FBXW10B: variants seen among roughly 807,000 people sequenced by gnomAD.
FBXW10B encodes the protein F-box and WD repeat domain containing protein 10B.
the FBXW10B span, among the ~76,000 whole-genome samples, chr17:15,603,799 G>A: frequency 9.1e-4 from 134 of 147,484 alleles, 1 homozygote; most frequent in African/African-American, 3.0e-3. Context: ...AGGGCTGGGC[G>A]CGGTGGCTCA....
the FBXW10B span, among the ~76,000 whole-genome samples, chr17:15,569,788 T>C: frequency 6.6e-6 from 1 of 152,164 alleles, no homozygotes; most frequent in African/African-American, 2.4e-5. Context: ...TTGCCCAGGC[T>C]GGTCTCAAAC....
At chr17:15,577,343 A>T in the FBXW10B span, among the ~76,000 whole-genome samples, 10 of 152,254 alleles carry the variant, frequency 6.6e-5, no homozygotes, top group Middle Eastern at 6.8e-3. Flanking sequence ...TAGTCATTAC[A>T]ATGGTTGAAC....
At chr17:15,584,054 C>T in the FBXW10B span, among the ~76,000 whole-genome samples, 8 of 152,190 alleles carry the variant, frequency 5.3e-5, no homozygotes, top group African/African-American at 1.7e-4. Flanking sequence ...AAAATCCCTA[C>T]AACATGTGCA....
chr17:15,617,343 C>T, the FBXW10B span, among the ~76,000 whole-genome samples: 1 of 152,126 alleles, frequency 6.6e-6, no homozygotes, highest in African/African-American at 2.4e-5. Context: ...CCTTCAAGAG[C>T]TAAAACTCCA....
At chr17:15,602,874 G>A in the FBXW10B span, among the ~76,000 whole-genome samples, 2 of 121,958 alleles carry the variant, frequency 1.6e-5, 1 homozygote, top group Admixed American at 1.6e-4. Flanking sequence ...TGATCCGCCC[G>A]CCTCGGCCTC....
chr17:15,617,724 C>T, the FBXW10B span, among the ~76,000 whole-genome samples: 1 of 152,210 alleles, frequency 6.6e-6, no homozygotes. Context: ...GTTGATTTCC[C>T]TTGCATTCCA....
the FBXW10B span, among the ~76,000 whole-genome samples, chr17:15,578,558 T>A: frequency 6.6e-6 from 1 of 152,142 alleles, no homozygotes; most frequent in Admixed American, 6.5e-5. Context: ...TCTGGCTCAA[T>A]CAGGAGAAAG....
At chr17:15,614,910 G>A in the FBXW10B span, among the ~76,000 whole-genome samples, 196 of 152,292 alleles carry the variant, frequency 1.3e-3, no homozygotes, top group African/African-American at 4.3e-3. Context: ...CCCTCCTCAA[G>A]ACTGAATCCA....
chr17:15,599,473 T>C, the FBXW10B span, among the ~76,000 whole-genome samples: 18,042 of 124,186 alleles, frequency 0.15, 1,234 homozygotes, highest in East Asian at 0.28. Context: ...GAGATAACAC[T>C]GGAATAGTGA....
chr17:15,619,039 G>A, the FBXW10B span: 1 of 1,613,778 alleles, frequency 6.2e-7, no homozygotes, highest in Non-Finnish European at 8.5e-7. Context: ...TCAGAAACAG[G>A]ACTCTGATCA....
At chr17:15,594,290 G>A in the FBXW10B span, among the ~76,000 whole-genome samples, 698 of 152,014 alleles carry the variant, frequency 4.6e-3, 2 homozygotes, top group Non-Finnish European at 7.1e-3. Flanking sequence ...GGCTAACACC[G>A]TGAAACCCCG....
chr17:15,606,052 G>A, the FBXW10B span, among the ~76,000 whole-genome samples: 3 of 141,904 alleles, frequency 2.1e-5, no homozygotes, highest in Admixed American at 7.2e-5. Context: ...GTTTTTTATT[G>A]TGAAAGGGGA....
the FBXW10B span, chr17:15,613,699 G>C: frequency 6.2e-7 from 1 of 1,610,370 alleles, no homozygotes; most frequent in Non-Finnish European, 8.5e-7. Flanking sequence ...CCCAGTGCTG[G>C]CTCACAGAGG....
the FBXW10B span, among the ~76,000 whole-genome samples, chr17:15,575,941 T>C: frequency 6.6e-6 from 1 of 152,178 alleles, no homozygotes; most frequent in Non-Finnish European, 1.5e-5. Flanking sequence ...TCCCCAACTT[T>C]CAACAAACAC....
the FBXW10B span, among the ~76,000 whole-genome samples, chr17:15,603,728 G>A: frequency 4.8e-5 from 7 of 146,848 alleles, no homozygotes; most frequent in African/African-American, 1.5e-4. Context: ...ATGGGCACCA[G>A]GGGACACATC....
the FBXW10B span, chr17:15,588,722 C>G: frequency 2.8e-6 from 2 of 723,266 alleles, no homozygotes; most frequent in Non-Finnish European, 4.8e-6. Context: ...TCCCCATATC[C>G]AGGAATCAGC....
the FBXW10B span, among the ~76,000 whole-genome samples, chr17:15,582,752 T>C: frequency 1.3e-5 from 2 of 152,134 alleles, no homozygotes; most frequent in Admixed American, 1.3e-4. Context: ...CCAAGAATAA[T>C]AGAACTTAAA....
chr17:15,613,991 T>C, the FBXW10B span: 3 of 1,604,274 alleles, frequency 1.9e-6, no homozygotes, highest in Non-Finnish European at 2.6e-6. Flanking sequence ...AAACAGCCTA[T>C]TCATTTCGGA....
At chr17:15,603,165 T>C in the FBXW10B span, among the ~76,000 whole-genome samples, 1 of 151,596 alleles carries the variant, frequency 6.6e-6, no homozygotes, top group East Asian at 1.9e-4. Context: ...CTTACAGGCG[T>C]GAGCCACCGC....
Sources: gnomAD v4.1 joint callset for allele counts (sites outside exome capture counted in the v4.1 genomes callset) on GRCh38, gnomAD v4.1.1 for gene constraint, MANE v1.5 for transcripts, NCBI Gene and HGNC (gene_info 2026-07-23, HGNC 2026-07-21) for gene names.